Variants in GPR149 observed in about 807,000 individuals in gnomAD.
GPR149 encodes probable G protein-coupled receptor 149.
In GPR149, 50 loss-of-function variants were observed where a neutral mutation model predicts 50.2. The ratio of observed to expected loss-of-function variants is 1.00; its 90% confidence interval spans 0.79 to 1.26. The LOEUF is 1.26. Ranked by LOEUF, GPR149 falls within the 50% of genes most tolerant of loss-of-function variation. GPR149 has a pLI of 0.00. For missense variants in GPR149, 983 were observed against 895.4 expected, an observed-to-expected ratio of 1.10 and a Z score of -1.25; for synonymous variants, 405 against 358.2, an observed-to-expected ratio of 1.13 and a Z score of -1.48.
chr3:154,336,566 C>T lies in GPR149; in HGVS notation c.*1133G>A, dbSNP rs1356034923. The T allele has an allele frequency of 6.6e-6, 1 of 151,954 alleles. No individual in the cohort carries two copies. The highest frequency in any genetic ancestry group is 1.9e-4 in the East Asian group (1 of 5,190). 9.4% of individuals were successfully genotyped at this position (151,954 alleles called of 1,614,324 possible). On this transcript the variant is annotated 3_prime_UTR_variant, in exon 4 of 4. Coordinates refer to ENST00000389740, the MANE Select transcript of GPR149 (RefSeq NM_001038705.3). ...TGAAATACATCTTACTATTATTCTG[C>T]CAAGGTGATTCCTGCATTTTTGCAA...
Position 154,379,246 on chromosome 3 carries a change from C to CAAAA in GPR149, c.1624-40979_1624-40976dup, listed in dbSNP as rs59818930. Among the ~76,000 whole-genome samples, 7 of 123,740 alleles carry CAAAA rather than the reference C, an allele frequency of 5.7e-5. 3 individuals carry two copies. Among genetic ancestry groups the CAAAA allele is most frequent in the African/African-American group, 2.3e-4 (7 of 30,982 alleles). 81.2% of individuals were successfully genotyped at this position (123,740 alleles called of 152,430 possible). Reference sequence around the variant, plus strand: ...TGGGCGACAGAGCGAGACTCCGTCTCAAAAAAAAAAAAAAAAAAAAAAGTC... The same window carrying CAAAA: ...TGGGCGACAGAGCGAGACTCCGTCTCAAAAAAAAAAAAAAAAAAAAAAAAAAGTC... On this transcript the variant is annotated intron_variant, in intron 3 of 3. Coordinates refer to ENST00000389740, the MANE Select transcript of GPR149 (RefSeq NM_001038705.3).
rs1391598223 is a variant in GPR149 at position 154,353,181 on chromosome 3, T to C, written c.1624-14910A>G. On this transcript the variant is annotated intron_variant, in intron 3 of 3. Coordinates refer to ENST00000389740, the MANE Select transcript of GPR149 (RefSeq NM_001038705.3). Reference sequence around the variant, plus strand: ...AATAGCCCTCCCTTCAGACCCACTGTAGACTTGAAGGACATCTCCAATAAC... The same window carrying C: ...AATAGCCCTCCCTTCAGACCCACTGCAGACTTGAAGGACATCTCCAATAAC... 3 of 1,533,234 alleles carry C rather than the reference T, an allele frequency of 2.0e-6. No individual in the cohort carries two copies. The African/African-American group carries it at 4.1e-5, about 21-fold the overall frequency. The allele number at this position is 1,533,234 out of a possible 1,614,324, so 95.0% of individuals were successfully genotyped here.
intron 3 of GPR149, among the ~76,000 whole-genome samples, chr3:154,417,339 A>G (rs1422481832): frequency 6.6e-6 from 1 of 152,024 alleles, no homozygotes; most frequent in Admixed American, 6.6e-5. Context: ...TTATGGGATC[A>G]CATTTAAATC....
intron 3 of GPR149, among the ~76,000 whole-genome samples, chr3:154,340,555 G>A (rs1189519544): frequency 1.3e-5 from 2 of 152,184 alleles, no homozygotes; most frequent in African/African-American, 4.8e-5. Flanking sequence ...CCCCACAGAT[G>A]ATTGGATGTA....
chr3:154,356,858 G>T (rs1336918286), intron 3 of GPR149, among the ~76,000 whole-genome samples: 1 of 152,124 alleles, frequency 6.6e-6, no homozygotes, highest in Non-Finnish European at 1.5e-5. Flanking sequence ...AACCAAAAAA[G>T]GGCCCGCATC....
At chr3:154,383,049 T>C (rs1426142764) in intron 3 of GPR149, among the ~76,000 whole-genome samples, 1 of 152,146 alleles carries the variant, frequency 6.6e-6, no homozygotes, top group East Asian at 1.9e-4. Context: ...TAGGACATAG[T>C]GCCTGTGTCC....
At chr3:154,421,823 C>T (rs1441791509) in intron 2 of GPR149, among the ~76,000 whole-genome samples, 1 of 151,608 alleles carries the variant, frequency 6.6e-6, no homozygotes, top group East Asian at 1.9e-4. Context: ...CTTAGTCTAC[C>T]AATGATTTTG....
At chr3:154,355,684 C>T (rs981972313) in intron 3 of GPR149, among the ~76,000 whole-genome samples, 3 of 152,070 alleles carry the variant, frequency 2.0e-5, no homozygotes, top group African/African-American at 4.8e-5. Flanking sequence ...AAAATTTCAT[C>T]AGGAATAAAT....
In GPR149 at chr3:154,427,623, G is replaced by C; in HGVS notation, c.1067C>G (p.Thr356Ser). 1 of 1,614,244 alleles carries C rather than the reference G, an allele frequency of 6.2e-7. No homozygotes were observed. The highest frequency in any genetic ancestry group is 8.5e-7 in the Non-Finnish European group (1 of 1,180,038). The part of the protein sequence containing the change: ...FSFLLTLLAT[T>S]VTPVFVLSKR... ...GGACAAGACAAACACTGGGGTTACAGTGGTGGCCAGCAGGGTAAGTAGAAA... is the reference window on the plus strand; with the variant it reads ...GGACAAGACAAACACTGGGGTTACACTGGTGGCCAGCAGGGTAAGTAGAAA... The change falls in exon 2 of 4, where the codon ACT (threonine) becomes AGT (serine). Residue 356 changes from threonine to serine, a missense_variant. Transcript: ENST00000389740.
At chr3:154,360,599 A>T (rs1242462695) in intron 3 of GPR149, among the ~76,000 whole-genome samples, 1 of 152,226 alleles carries the variant, frequency 6.6e-6, no homozygotes, top group African/African-American at 2.4e-5. Flanking sequence ...GTATGGCACT[A>T]GAAAAAAATA....
chr3:154,341,340 T>TATATAA (rs1484402767), intron 3 of GPR149, among the ~76,000 whole-genome samples: 3 of 106,036 alleles, frequency 2.8e-5, no homozygotes, highest in East Asian at 5.6e-4. Flanking sequence ...TATATATATA[T>TATATAA]AAAATGAGTA....
chr3:154,420,451 T>C (rs1712108561), intron 3 of GPR149, among the ~76,000 whole-genome samples: 1 of 152,034 alleles, frequency 6.6e-6, no homozygotes, highest in South Asian at 2.1e-4. Flanking sequence ...ATAAAATGAT[T>C]CTTCCATATT....
At chr3:154,339,221 C>T (rs1362977215) in intron 3 of GPR149, among the ~76,000 whole-genome samples, 1 of 152,114 alleles carries the variant, frequency 6.6e-6, no homozygotes, top group Non-Finnish European at 1.5e-5. Flanking sequence ...TAGCATTATC[C>T]CAGACCTACT....
At chr3:154,422,484 T>C (rs1435002752) in intron 2 of GPR149, among the ~76,000 whole-genome samples, 1 of 151,722 alleles carries the variant, frequency 6.6e-6, no homozygotes, top group African/African-American at 2.4e-5. Flanking sequence ...TGTTTTATAC[T>C]GAGACATTTA....
intron 3 of GPR149, among the ~76,000 whole-genome samples, chr3:154,382,297 C>T (rs555393914): frequency 7.2e-5 from 11 of 152,256 alleles, no homozygotes; most frequent in African/African-American, 2.6e-4. Flanking sequence ...GTTTCAGTCA[C>T]ATAAGTAAGA....
In GPR149 at chr3:154,404,599, G is replaced by T. The variant is rs1400447224; in HGVS notation, c.1623+16440C>A. On this transcript the variant is annotated intron_variant, in intron 3 of 3. Transcript: ENST00000389740. ...TTTAAACTCAGTGTAGGAAAGGATT[G>T]CTAACTATCAAAATTATCTCTCCGA... Among the ~76,000 whole-genome samples the T allele has an allele frequency of 2.0e-5, 3 of 152,268 alleles. No homozygotes were observed. In the East Asian group the frequency reaches 5.8e-4, roughly 29 times the overall value.
chr3:154,374,127 CT>C (rs1559978231), intron 3 of GPR149, among the ~76,000 whole-genome samples: 1 of 135,572 alleles, frequency 7.4e-6, no homozygotes, highest in African/African-American at 2.8e-5. Context: ...CAACAAAAGT[CT>C]TTTTTTCCTT....
At position 154,408,305 on chromosome 3, in the gene GPR149, C is replaced by T. The variant is rs552616009; in HGVS notation, c.1623+12734G>A. 3.9e-5 allele frequency among the ~76,000 whole-genome samples: 6 copies of T among 152,240 alleles called. No homozygotes were observed. The South Asian group carries it at 1.2e-3, about 32-fold the overall frequency. On this transcript the variant is annotated intron_variant, in intron 3 of 3. Transcript: ENST00000389740. ...TCCAAGAACTACTGCAGGAACATAC[C>T]AAGAAAGCCAAAAGAATCCACAGAC... is the stretch of plus-strand genomic sequence containing the variant.
intron 3 of GPR149, among the ~76,000 whole-genome samples, chr3:154,350,220 A>C (rs1212702409): frequency 1.3e-5 from 2 of 152,110 alleles, no homozygotes; most frequent in Non-Finnish European, 2.9e-5. Flanking sequence ...AAAGAAAAGG[A>C]AACAAAAATT....
Sources: gnomAD v4.1 joint callset for allele counts (sites outside exome capture counted in the v4.1 genomes callset) on GRCh38, gnomAD v4.1.1 for gene constraint, MANE v1.5 for transcripts, NCBI Gene and HGNC (gene_info 2026-07-23, HGNC 2026-07-21) for gene names.